The following MACF1 variants were observed in gnomAD, a reference collection of about 807,000 sequenced individuals.
The protein encoded by MACF1 is microtubule actin crosslinking factor 1.
A neutral mutation model predicts 854.8 loss-of-function variants in MACF1; 193 were observed. That is an observed-to-expected ratio of 0.23 (90% CI 0.20 to 0.25). The LOEUF is 0.25. Among genes scored for constraint, MACF1 ranks in the 10% least tolerant of loss-of-function variants. MACF1 has a pLI of 1.00. For synonymous variants in MACF1, 3,185 were observed against 3,226.7 expected, an observed-to-expected ratio of 0.99 and a Z score of 0.44; for missense variants, 7,722 against 8,929.1, an observed-to-expected ratio of 0.86 and a Z score of 5.45.
intron 58 of MACF1, among the ~76,000 whole-genome samples, chr1:39,389,857 G>A (rs946552295): frequency 2.0e-5 from 3 of 152,168 alleles, no homozygotes; most frequent in Admixed American, 2.0e-4. Flanking sequence ...ATAGTAAGCA[G>A]CTTAATAATA....
At chr1:39,228,282 C>T (rs1463764265) in intron 1 of MACF1, among the ~76,000 whole-genome samples, 3 of 152,090 alleles carry the variant, frequency 2.0e-5, no homozygotes, top group African/African-American at 7.2e-5. Flanking sequence ...TGCACTCCAG[C>T]CTGGGTGACA....
chr1:39,441,057 C>A lies in MACF1; in HGVS notation c.18502C>A (p.Leu6168Ile). ...LHEELEFIRI[L>I]GADLIFACGE... ...TGAAGAGCTGGAGTTTATTCGGATC[C>A]TTGGAGCAGATTTGATTTTTGCCTG... Residue 6168 changes from leucine (L) to isoleucine (I), a missense_variant, in exon 73 of 101, where the codon CTT (leucine) becomes ATT (isoleucine). By Grantham distance (5) the Leu-to-Ile change is conservative. Around this residue, in one of 15 missense-constraint regions of MACF1, gnomAD observed 2,807 missense variants for 3,235.8 expected, o/e 0.87. Transcript: ENST00000564288. 1 of 1,614,120 alleles carries A rather than the reference C, an allele frequency of 6.2e-7. No individual in the cohort carries two copies. The highest frequency in any genetic ancestry group is 8.5e-7 in the Non-Finnish European group (1 of 1,180,012).
Position 39,380,237 on chromosome 1 carries a change from C to T in MACF1, c.13519-7C>T. 6.2e-7 allele frequency: 1 copy of T among 1,611,988 alleles called. No homozygotes were observed. The highest frequency in any genetic ancestry group is 1.3e-5 in the African/African-American group (1 of 74,938). On this transcript the variant is annotated splice_region_variant and splice_polypyrimidine_tract_variant and intron_variant, in intron 54 of 100. Coordinates refer to ENST00000564288, the MANE Select transcript of MACF1 (RefSeq NM_001394062.1). ...TCTCATGGCATGCATGGCATTCTTT[C>T]TCCTAGGCCTTCCTGGCTGAGTTGG...
Position 39,477,845 on chromosome 1 carries a change from G to A in MACF1, c.21959-1953G>A, listed in dbSNP as rs186550822. Among the ~76,000 whole-genome samples, 56 of 152,196 alleles carry A rather than the reference G, an allele frequency of 3.7e-4. 1 individual carries two copies. The highest frequency in any genetic ancestry group is 1.3e-3 in the African/African-American group (52 of 41,518). On this transcript the variant is annotated intron_variant, in intron 97 of 100. Transcript: ENST00000564288. ...TGCATTATTGCACATTCTGTGAACT[G>A]TGCAGTGCATAGGGAACATATCACC... is the stretch of plus-strand genomic sequence containing the variant.
intron 2 of MACF1, among the ~76,000 whole-genome samples, chr1:39,240,279 G>A (rs1367661670): frequency 6.6e-6 from 1 of 152,168 alleles, no homozygotes; most frequent in Admixed American, 6.5e-5. Flanking sequence ...AAGTAGTGCT[G>A]GTTAGATGCT....
chr1:39,353,305 G>T lies in MACF1; in HGVS notation c.11424+74G>T. 5.1e-6 allele frequency: 6 copies of T among 1,174,736 alleles called. No individual in the cohort carries two copies. In the South Asian group the frequency reaches 8.0e-5, roughly 16 times the overall value. The allele number at this position is 1,174,736 out of a possible 1,614,324, so 72.8% of individuals were successfully genotyped here. ...CTGAGCAAGTAACCACAATCACCTTGCCCCTAAATCCAGTGAGCACTTCTC... is the reference window on the plus strand; with the variant it reads ...CTGAGCAAGTAACCACAATCACCTTTCCCCTAAATCCAGTGAGCACTTCTC... On this transcript the variant is annotated intron_variant, in intron 44 of 100. Transcript: ENST00000564288.
Position 39,133,632 on chromosome 1 carries a change from A to G in MACF1, c.220+49194A>G, listed in dbSNP as rs1292134737. Reference sequence around the variant, plus strand: ...TAAAAATTGTATATCTTTATGGTGTACAATGTGATGTTTTGATATATGTAA... The same window carrying G: ...TAAAAATTGTATATCTTTATGGTGTGCAATGTGATGTTTTGATATATGTAA... On this transcript the variant is annotated intron_variant, in intron 2 of 93. Transcript: ENST00000361689. Among the ~76,000 whole-genome samples, 3 of 152,258 alleles carry G rather than the reference A, an allele frequency of 2.0e-5. No homozygotes were observed. In the East Asian group the frequency reaches 5.8e-4, roughly 29 times the overall value.
At chr1:39,284,237 C>T (rs777116133) in intron 10 of MACF1, 52 bp downstream of exon 10, 1 of 1,597,908 alleles carries the variant, frequency 6.3e-7, no homozygotes, top group Admixed American at 1.7e-5. Flanking sequence ...GGGAGTAAGT[C>T]TCCAAGCTTA....
At chr1:39,382,766 A>G (rs554396378) in intron 56 of MACF1, among the ~76,000 whole-genome samples, 24 of 152,180 alleles carry the variant, frequency 1.6e-4, no homozygotes, top group Admixed American at 5.9e-4. Flanking sequence ...CCGGCTTTAC[A>G]TAGGATTTTC....
At chr1:39,450,910 C>T (rs1644331322) in intron 84 of MACF1, 142 bp from the exon 85 acceptor site, 6 of 972,920 alleles carry the variant, frequency 6.2e-6, no homozygotes, top group Non-Finnish European at 9.0e-6. Flanking sequence ...CGCGCCCGGC[C>T]TTTACTGTAT....
rs1189693005 is a variant in MACF1 at position 39,317,326 on chromosome 1, A to G, written c.3701A>G (p.Asn1234Ser). Reference protein sequence around the residue: ...EQMSRLTPERNLDLERYQEKG... With the variant: ...EQMSRLTPERSLDLERYQEKG... The stretch of plus-strand genomic sequence containing the variant: ...ATGAGTCGTCTGACACCAGAGCGAA[A>G]TCTGGATTTGGAGCGCTATCAGGAA... The change falls in exon 29 of 101, where the codon AAT becomes AGT. Residue 1234 changes from asparagine to serine, a missense_variant. This residue lies in a region of MACF1 where 1,137 missense variants were observed against 1,263.0 expected (regional missense o/e 0.90). Transcript: ENST00000564288. 2 of 1,614,010 alleles carry G rather than the reference A, an allele frequency of 1.2e-6. No homozygotes were observed. Among genetic ancestry groups the G allele is most frequent in the East Asian group, 2.2e-5 (1 of 44,880 alleles).
chr1:39,438,116 T>A (rs1029714767), intron 71 of MACF1, 108 bp downstream of exon 71: 1 of 969,600 alleles, frequency 1.0e-6, no homozygotes, highest in Non-Finnish European at 1.5e-6. Flanking sequence ...GTAAAGGCAG[T>A]CCCCAGTAAT....
chr1:39,234,915 G>T (rs1328117046), intron 2 of MACF1, among the ~76,000 whole-genome samples: 3 of 149,610 alleles, frequency 2.0e-5, no homozygotes, highest in African/African-American at 7.4e-5. Flanking sequence ...ATAGGCGGCC[G>T]GGCAGAGACG....
At chr1:39,238,906 C>A (rs538888184) in intron 2 of MACF1, among the ~76,000 whole-genome samples, 2 of 151,682 alleles carry the variant, frequency 1.3e-5, no homozygotes, top group Non-Finnish European at 2.9e-5. Context: ...TTTTTTTTTG[C>A]GACTCAAGCA....
At chr1:39,462,380 C>T (rs1644571205) in intron 93 of MACF1, among the ~76,000 whole-genome samples, 1 of 152,048 alleles carries the variant, frequency 6.6e-6, no homozygotes, top group Non-Finnish European at 1.5e-5. Context: ...TGCCTGGAAT[C>T]TAGGGAAATG....
chr1:39,403,849 C>G (rs1025863132), intron 58 of MACF1, among the ~76,000 whole-genome samples: 4 of 151,852 alleles, frequency 2.6e-5, no homozygotes, highest in Admixed American at 6.6e-5. Context: ...GGCGGGGGGG[C>G]CGGGCTTCGT....
intron 44 of MACF1, 100 bp downstream of exon 44, chr1:39,353,331 A>G: frequency 1.2e-6 from 1 of 810,476 alleles, no homozygotes. Context: ...AGCACTTCTC[A>G]GTTTGTATCT....
intron 2 of MACF1, among the ~76,000 whole-genome samples, chr1:39,134,958 G>T (rs916471815): frequency 2.6e-5 from 4 of 151,914 alleles, no homozygotes; most frequent in Admixed American, 2.6e-4. Context: ...CCCCTCCTTA[G>T]CCCCTGGCAA....
chr1:39,438,306 T>C (rs779269152), intron 71 of MACF1, among the ~76,000 whole-genome samples: 2 of 152,220 alleles, frequency 1.3e-5, no homozygotes, highest in Non-Finnish European at 2.9e-5. Context: ...TGTAACACTT[T>C]CCATGGGAAA....
Sources: gnomAD v4.1 joint callset for allele counts (sites outside exome capture counted in the v4.1 genomes callset) on GRCh38, gnomAD v4.1.1 for gene constraint, gnomAD v4.1.1 regional missense constraint, MANE v1.5 for transcripts, NCBI Gene and HGNC (gene_info 2026-07-23, HGNC 2026-07-21) for gene names.